Variants in PIP4K2A observed in about 807,000 individuals in gnomAD.
PIP4K2A encodes the protein phosphatidylinositol 5-phosphate 4-kinase type-2 alpha.
Under a neutral mutation model 42.9 loss-of-function variants are expected in PIP4K2A, and 14 were observed. That is an observed-to-expected ratio of 0.33 (90% CI 0.22 to 0.51). The LOEUF (loss-of-function observed/expected upper bound fraction) is 0.51. Ranked by LOEUF, PIP4K2A falls within the 20% of genes least tolerant of loss-of-function variation. The probability of loss-of-function intolerance (pLI) is 0.97; values close to 1 mark genes in which losing one functional copy is unlikely to be tolerated. For missense variants in PIP4K2A, 434 were observed against 519.8 expected, an observed-to-expected ratio of 0.83 and a Z score of 1.61; for synonymous variants, 192 against 192.2, an observed-to-expected ratio of 1.00 and a Z score of 0.01.
chr10:22,638,362 T>C (rs1235669969), intron 1 of PIP4K2A, among the ~76,000 whole-genome samples: 1 of 152,224 alleles, frequency 6.6e-6, no homozygotes, highest in Non-Finnish European at 1.5e-5. Flanking sequence ...TCTATATGGA[T>C]GGCCATATTC....
Position 22,537,153 on chromosome 10 carries a change from C to T in PIP4K2A, c.*48G>A. The T allele has an allele frequency of 2.1e-6, 3 of 1,439,730 alleles. No individual in the cohort carries two copies. Among genetic ancestry groups the T allele is most frequent in the South Asian group, 1.2e-5 (1 of 81,882 alleles). The allele number at this position is 1,439,730 out of a possible 1,614,324, so 89.2% of individuals were successfully genotyped here. A position where few individuals can be genotyped will look rare whatever the true frequency, so the allele number is the denominator to read the frequency against. The stretch of plus-strand genomic sequence containing the variant: ...GTTTTCATTTTTCCTACACCGAAGC[C>T]ACCTCTGTCCATCCAATGTTCATGT... On this transcript the variant is annotated 3_prime_UTR_variant, in exon 10 of 10. Transcript: ENST00000376573.
intron 1 of PIP4K2A, among the ~76,000 whole-genome samples, chr10:22,688,151 G>A (rs938804208): frequency 1.3e-5 from 2 of 152,114 alleles, no homozygotes; most frequent in Non-Finnish European, 2.9e-5. Flanking sequence ...TTAGAGACGA[G>A]TAAAGGGTCC....
intron 6 of PIP4K2A, among the ~76,000 whole-genome samples, chr10:22,553,312 C>T (rs1836456374): frequency 6.6e-6 from 1 of 152,160 alleles, no homozygotes; most frequent in Admixed American, 6.5e-5. Context: ...TGCTCAGGGG[C>T]ACGAAGGTTT....
chr10:22,618,818 C>G lies in PIP4K2A; in HGVS notation c.145-9101G>C, dbSNP rs2130734338. Among the ~76,000 whole-genome samples, 3 of 152,334 alleles carry G rather than the reference C, an allele frequency of 2.0e-5. No homozygotes were observed. In the Middle Eastern group the frequency reaches 0.01, roughly 518 times the overall value. ...ACATTAGGTGCAATACCTACGACCT[C>G]TCCTTCAGAATACTTGAAAGTTGTG... On this transcript the variant is annotated intron_variant, in intron 1 of 9. Transcript: ENST00000376573.
intron 1 of PIP4K2A, among the ~76,000 whole-genome samples, chr10:22,699,666 C>T (rs1158952480): frequency 6.6e-6 from 1 of 152,088 alleles, no homozygotes; most frequent in Non-Finnish European, 1.5e-5. Flanking sequence ...ACCTGGTTAT[C>T]CTTGGAAACA....
At chr10:22,603,102 T>A (rs1038616650) in intron 3 of PIP4K2A, among the ~76,000 whole-genome samples, 5 of 152,204 alleles carry the variant, frequency 3.3e-5, no homozygotes, top group African/African-American at 7.2e-5. Context: ...AATAAGAATA[T>A]CAAAAGTTTA....
At chr10:22,611,713 G>A (rs966594169) in intron 1 of PIP4K2A, among the ~76,000 whole-genome samples, 2 of 152,154 alleles carry the variant, frequency 1.3e-5, no homozygotes, top group African/African-American at 4.8e-5. Flanking sequence ...AAAAATTAAA[G>A]TTTATGTATC....
At position 22,618,165 on chromosome 10, in the gene PIP4K2A, G is replaced by A. The variant is rs563111895; in HGVS notation, c.145-8448C>T. On this transcript the variant is annotated intron_variant, in intron 1 of 9. Coordinates refer to ENST00000376573, the MANE Select transcript of PIP4K2A (RefSeq NM_005028.5). ...AGGTTCACGACCTAAAATGTGATAT[G>A]AGTTCAACATTACAGATAAAAATCT... Among the ~76,000 whole-genome samples the A allele has an allele frequency of 1.1e-4, 17 of 152,252 alleles. No individual in the cohort carries two copies. In the South Asian group the frequency reaches 2.5e-3, roughly 22 times the overall value.
At chr10:22,611,048 T>C (rs1371794785) in intron 1 of PIP4K2A, among the ~76,000 whole-genome samples, 2 of 152,294 alleles carry the variant, frequency 1.3e-5, no homozygotes, top group African/African-American at 4.8e-5. Flanking sequence ...TGATTATATT[T>C]GAAAAAATAA....
chr10:22,578,961 G>A (rs531136049), intron 4 of PIP4K2A, among the ~76,000 whole-genome samples: 1 of 152,140 alleles, frequency 6.6e-6, no homozygotes, highest in African/African-American at 2.4e-5. Flanking sequence ...TTACAAATAT[G>A]AAAATTCTAG....
chr10:22,704,305 G>C (rs558350170), intron 1 of PIP4K2A, among the ~76,000 whole-genome samples: 3 of 152,144 alleles, frequency 2.0e-5, no homozygotes, highest in African/African-American at 4.8e-5. Context: ...AAAAAAAAAG[G>C]AGCCCCCTGC....
At position 22,664,160 on chromosome 10, in the gene PIP4K2A, TATATATACATATATATATATAC is replaced by T. The variant is rs1265281473; in HGVS notation, c.144+50001_144+50022del. Among the ~76,000 whole-genome samples, 357 of 67,228 alleles carry T rather than the reference TATATATACATATATATATATAC, an allele frequency of 5.3e-3. 15 individuals are homozygous for T. Among genetic ancestry groups the T allele is most frequent in the Non-Finnish European group, 7.9e-3 (309 of 39,094 alleles). The allele number at this position is 67,228 out of a possible 152,430, so 44.1% of individuals were successfully genotyped here. The stretch of plus-strand genomic sequence containing the variant: ...ATATATACATATATATACACATATA[TATATATACATATATATATATAC>T]ATATATATACATATATATATACATA... On this transcript the variant is annotated intron_variant, in intron 1 of 9. Coordinates refer to ENST00000376573, the MANE Select transcript of PIP4K2A (RefSeq NM_005028.5).
intron 3 of PIP4K2A, among the ~76,000 whole-genome samples, chr10:22,595,339 AAAGAT>A (rs1197869045): frequency 6.6e-6 from 1 of 152,252 alleles, no homozygotes; most frequent in Non-Finnish European, 1.5e-5. Context: ...GGCGATTTAC[AAAGAT>A]AAGACTAAAC....
chr10:22,713,777 G>A (rs1833958100), intron 1 of PIP4K2A, among the ~76,000 whole-genome samples: 1 of 152,080 alleles, frequency 6.6e-6, no homozygotes, highest in Non-Finnish European at 1.5e-5. Flanking sequence ...CCCCACACCG[G>A]GTAGCGGTCG....
intron 7 of PIP4K2A, among the ~76,000 whole-genome samples, chr10:22,543,055 C>T (rs1415055011): frequency 6.6e-6 from 1 of 152,190 alleles, no homozygotes; most frequent in East Asian, 1.9e-4. Flanking sequence ...AGCAGATGTC[C>T]TCATGCAAAG....
intron 1 of PIP4K2A, among the ~76,000 whole-genome samples, chr10:22,632,925 C>G (rs146637288): frequency 6.6e-6 from 1 of 152,068 alleles, no homozygotes; most frequent in Admixed American, 6.5e-5. Context: ...TTGTATGGCC[C>G]CTTTTCATCC....
chr10:22,685,535 AAAC>A (rs1045901623), intron 1 of PIP4K2A, among the ~76,000 whole-genome samples: 55 of 151,832 alleles, frequency 3.6e-4, no homozygotes, highest in Non-Finnish European at 7.5e-4. Flanking sequence ...TTTCTATAAA[AAAC>A]AAACAAACAA....
chr10:22,554,899 G>A (rs1344559193), intron 6 of PIP4K2A, among the ~76,000 whole-genome samples: 2 of 152,174 alleles, frequency 1.3e-5, no homozygotes, highest in Admixed American at 6.5e-5. Context: ...CTGAGGCCCC[G>A]TGAGTAAATA....
intron 1 of PIP4K2A, among the ~76,000 whole-genome samples, chr10:22,672,932 C>T (rs1027519293): frequency 3.3e-5 from 5 of 152,136 alleles, no homozygotes; most frequent in Admixed American, 2.6e-4. Context: ...CCTGAGAAGC[C>T]TTCTAGTATT....
Sources: gnomAD v4.1 joint callset for allele counts (sites outside exome capture counted in the v4.1 genomes callset) on GRCh38, gnomAD v4.1.1 for gene constraint, MANE v1.5 for transcripts, NCBI Gene and HGNC (gene_info 2026-07-23, HGNC 2026-07-21) for gene names.